TXNDC12: variants seen among roughly 807,000 people sequenced by gnomAD.
The protein encoded by TXNDC12 is thioredoxin domain-containing protein 12.
A neutral mutation model predicts 24.2 loss-of-function variants in TXNDC12; 22 were observed. The ratio of observed to expected loss-of-function variants is 0.91; its 90% CI spans 0.65 to 1.30. The LOEUF (loss-of-function observed/expected upper bound fraction) is 1.30. TXNDC12 is among the 50% of genes most tolerant of loss of function. TXNDC12 has a pLI of 0.00. For synonymous variants in TXNDC12, 58 were observed against 73.4 expected, an observed-to-expected ratio of 0.79 and a Z score of 1.07; for missense variants, 184 against 205.8, an observed-to-expected ratio of 0.89 and a Z score of 0.65.
At position 52,020,746 on chromosome 1, in the gene TXNDC12, GGA is replaced by G; in HGVS notation, c.*185_*186del. The G allele has an allele frequency of 1.8e-6, 1 of 543,188 alleles. No individual in the cohort carries two copies. Among genetic ancestry groups the G allele is most frequent in the Non-Finnish European group, 3.2e-6 (1 of 308,070 alleles). The allele number at this position is 543,188 out of a possible 1,614,324, so 33.6% of individuals were successfully genotyped here. A position where few individuals can be genotyped will look rare whatever the true frequency, so the allele number is the denominator to read the frequency against. ...AGAAGAAAGTCTGCCACTCTCCGCTGGATCCACAAACATGCAGACCAGCTTCT... is the reference window on the plus strand; with the variant it reads ...AGAAGAAAGTCTGCCACTCTCCGCTGTCCACAAACATGCAGACCAGCTTCT... On this transcript the variant is annotated 3_prime_UTR_variant, in exon 7 of 7. Coordinates refer to ENST00000371626, the MANE Select transcript of TXNDC12 (RefSeq NM_015913.4).
chr1:52,033,806 G>T, intron 2 of TXNDC12: 1 of 1,511,680 alleles, frequency 6.6e-7, no homozygotes, highest in South Asian at 1.3e-5. Flanking sequence ...GCCAACTTCC[G>T]GGTTGTACGC....
intron 2 of TXNDC12, chr1:52,034,105 G>T: frequency 1.6e-6 from 2 of 1,220,462 alleles, no homozygotes; most frequent in East Asian, 6.2e-5. Flanking sequence ...CATATAGAAG[G>T]CAATTAATAA....
chr1:52,024,119 T>A (rs1685639889), intron 5 of TXNDC12, among the ~76,000 whole-genome samples: 1 of 151,932 alleles, frequency 6.6e-6, no homozygotes, highest in Non-Finnish European at 1.5e-5. Context: ...CTCAGCCTCC[T>A]AAATAGCTGA....
chr1:52,028,651 A>G (rs1354587963), intron 2 of TXNDC12, 21 bp from the exon 3 acceptor site: 2 of 1,571,152 alleles, frequency 1.3e-6, no homozygotes. Context: ...AAACAAAGAA[A>G]TTATAATCTA....
chr1:52,029,082 C>T (rs948401759), intron 2 of TXNDC12, among the ~76,000 whole-genome samples: 15 of 152,072 alleles, frequency 9.9e-5, no homozygotes, highest in African/African-American at 3.6e-4. Context: ...GAGCTGAGAC[C>T]GCACCACTAC....
At chr1:52,032,923 T>TGA (rs1380159671) in intron 2 of TXNDC12, 1 of 1,609,154 alleles carries the variant, frequency 6.2e-7, no homozygotes. Flanking sequence ...GGCCAGTACT[T>TGA]GACTCGTGAC....
chr1:52,033,678 C>T, intron 2 of TXNDC12: 1 of 1,611,070 alleles, frequency 6.2e-7, no homozygotes, highest in Non-Finnish European at 8.5e-7. Context: ...CCGCGCGGCC[C>T]TCGGCAGCCA....
In TXNDC12 at chr1:52,055,157, G is replaced by T; in HGVS notation, c.-61C>A. Reference sequence around the variant, plus strand: ...CGCAGGGCCGGAGTCCCAGCAGACGGTCCACACAGTTCGCCGAGCGCCGCT... The same window carrying T: ...CGCAGGGCCGGAGTCCCAGCAGACGTTCCACACAGTTCGCCGAGCGCCGCT... On this transcript the variant is annotated 5_prime_UTR_variant, in exon 1 of 7. Transcript: ENST00000371626. 1.7e-6 allele frequency: 2 copies of T among 1,202,212 alleles called. No individual in the cohort carries two copies. Among genetic ancestry groups the T allele is most frequent in the Non-Finnish European group, 1.2e-6 (1 of 809,062 alleles). 74.5% of individuals were successfully genotyped at this position (1,202,212 alleles called of 1,614,324 possible). A position where few individuals can be genotyped will look rare whatever the true frequency, so the allele number is the denominator to read the frequency against.
Position 52,033,622 on chromosome 1 carries a change from G to A in TXNDC12, c.159-4992C>T, listed in dbSNP as rs1013841464. 3.1e-6 allele frequency: 5 copies of A among 1,612,210 alleles called. No individual in the cohort carries two copies. The Admixed American group carries it at 5.0e-5, about 16-fold the overall frequency. ...CTCACGGGCAGAATCGCCGTACACC[G>A]CTGGGTCCTCTGCGCCCAGGACAGC... is the stretch of plus-strand genomic sequence containing the variant. On this transcript the variant is annotated intron_variant, in intron 2 of 6. Coordinates refer to ENST00000371626, the MANE Select transcript of TXNDC12 (RefSeq NM_015913.4).
intron 1 of TXNDC12, among the ~76,000 whole-genome samples, chr1:52,048,441 G>GCACTCT (rs1557998781): frequency 1.3e-5 from 2 of 150,786 alleles, no homozygotes; most frequent in African/African-American, 4.9e-5. Flanking sequence ...ACTCTAGCTC[G>GCACTCT]GGCAACAGAG....
Position 52,020,565 on chromosome 1 carries a change from C to A in TXNDC12, c.*368G>T, listed in dbSNP as rs41312724. On this transcript the variant is annotated 3_prime_UTR_variant, in exon 7 of 7. Transcript: ENST00000371626. The stretch of plus-strand genomic sequence containing the variant: ...GTTGTAGAAAAGATGCTACTAGTCT[C>A]CTTTCACCACTAAGGTGAGTAAAGT... 2.5e-5 allele frequency: 7 copies of A among 280,674 alleles called. No homozygotes were observed. The highest frequency in any genetic ancestry group is 4.7e-5 in the Non-Finnish European group (7 of 149,372). The allele number at this position is 280,674 out of a possible 1,614,324, so 17.4% of individuals were successfully genotyped here.
At chr1:52,025,964 G>C (rs1378215355) in intron 4 of TXNDC12, among the ~76,000 whole-genome samples, 1 of 151,840 alleles carries the variant, frequency 6.6e-6, no homozygotes. Context: ...TAGTAGCTGG[G>C]ACTACAGGCA....
chr1:52,032,990 G>C (rs1314883397), intron 2 of TXNDC12: 2 of 1,566,208 alleles, frequency 1.3e-6, no homozygotes, highest in East Asian at 2.2e-5. Context: ...TGCGTAGACT[G>C]ATGGGGTGGT....
intron 1 of TXNDC12, among the ~76,000 whole-genome samples, chr1:52,047,264 T>C (rs1324296611): frequency 1.3e-5 from 2 of 152,086 alleles, no homozygotes; most frequent in African/African-American, 2.4e-5. Flanking sequence ...GGAGCATGTA[T>C]GAACACTAGT....
At chr1:52,038,837 G>A (rs930049340) in intron 2 of TXNDC12, among the ~76,000 whole-genome samples, 3 of 150,216 alleles carry the variant, frequency 2.0e-5, no homozygotes, top group African/African-American at 7.4e-5. Flanking sequence ...AAAGTGCAAG[G>A]TTTTTGCACC....
chr1:52,026,245 A>G (rs1283093152), intron 4 of TXNDC12, among the ~76,000 whole-genome samples: 1 of 152,160 alleles, frequency 6.6e-6, no homozygotes, highest in East Asian at 1.9e-4. Context: ...GAGAGTACCT[A>G]TTCTTATCAC....
At chr1:52,031,955 T>A (rs1197609457) in intron 2 of TXNDC12, 1 of 188,536 alleles carries the variant, frequency 5.3e-6, no homozygotes, top group Admixed American at 6.5e-5. Flanking sequence ...ACGGAAATTG[T>A]CATAATATAA....
At position 52,048,623 on chromosome 1, in the gene TXNDC12, T is replaced by C. The variant is rs2124392100; in HGVS notation, c.97+6377A>G. Among the ~76,000 whole-genome samples the C allele has an allele frequency of 2.6e-5, 4 of 152,272 alleles. No homozygotes were observed. The South Asian group carries it at 8.3e-4, about 32-fold the overall frequency. ...GGCTCATGCCTGTAATCCCATTACT[T>C]TGGGAGGCTGAGGCAGGCAGATCAC... On this transcript the variant is annotated intron_variant, in intron 1 of 6. Coordinates refer to ENST00000371626, the MANE Select transcript of TXNDC12 (RefSeq NM_015913.4).
intron 1 of TXNDC12, among the ~76,000 whole-genome samples, chr1:52,049,582 TCAA>T (rs971389308): frequency 4.6e-5 from 7 of 152,282 alleles, no homozygotes; most frequent in South Asian, 4.1e-4. Context: ...CAAGACTGTC[TCAA>T]CAACAACAAC....
Sources: gnomAD v4.1 joint callset for allele counts (sites outside exome capture counted in the v4.1 genomes callset) on GRCh38, gnomAD v4.1.1 for gene constraint, MANE v1.5 for transcripts, NCBI Gene and HGNC (gene_info 2026-07-23, HGNC 2026-07-21) for gene names.